CLSTN2: variants seen among roughly 807,000 people sequenced by gnomAD.
The protein encoded by CLSTN2 is calsyntenin-2.
Under a neutral mutation model 101.2 loss-of-function variants are expected in CLSTN2, and 48 were observed. The observed-to-expected ratio is 0.47, with a 90% CI of 0.38 to 0.60. The LOEUF (loss-of-function observed/expected upper bound fraction) is 0.60, where lower values mean the gene tolerates loss of function less well. CLSTN2 is among the 20% of genes least tolerant of loss of function. The pLI, the probability that CLSTN2 is intolerant of heterozygous loss-of-function variation, is 0.00. For missense variants in CLSTN2, 1,160 were observed against 1,238.2 expected, an observed-to-expected ratio of 0.94 and a Z score of 0.95; for synonymous variants, 481 against 463.6, an observed-to-expected ratio of 1.04 and a Z score of -0.48.
intron 2 of CLSTN2, among the ~76,000 whole-genome samples, chr3:140,243,292 G>A (rs2107869628): frequency 6.6e-6 from 1 of 152,242 alleles, no homozygotes; most frequent in South Asian, 2.1e-4. Flanking sequence ...ACTCTCCAAG[G>A]GCTAATTTGA....
At chr3:139,996,738 T>A (rs775612039) in intron 1 of CLSTN2, among the ~76,000 whole-genome samples, 5 of 152,176 alleles carry the variant, frequency 3.3e-5, no homozygotes, top group Non-Finnish European at 7.4e-5. Flanking sequence ...CTATAAGTGT[T>A]TAATTATCTG....
At chr3:140,270,852 C>T (rs1354452710) in intron 2 of CLSTN2, among the ~76,000 whole-genome samples, 1 of 152,174 alleles carries the variant, frequency 6.6e-6, no homozygotes, top group Non-Finnish European at 1.5e-5. Flanking sequence ...TAGTCCAGAG[C>T]AGTCTGTGGC....
At chr3:140,252,619 T>C (rs2086573681) in intron 2 of CLSTN2, among the ~76,000 whole-genome samples, 1 of 152,184 alleles carries the variant, frequency 6.6e-6, no homozygotes, top group East Asian at 1.9e-4. Flanking sequence ...ATTCTCTTAA[T>C]TATAAAATGT....
At chr3:140,448,783 T>C in intron 6 of CLSTN2, 79 bp downstream of exon 6, 1 of 1,263,428 alleles carries the variant, frequency 7.9e-7, no homozygotes, top group Non-Finnish European at 1.1e-6. Flanking sequence ...CTTATTGTCT[T>C]AGGCAAGAAT....
chr3:140,517,785 G>A (rs1934948342), intron 8 of CLSTN2, among the ~76,000 whole-genome samples: 1 of 152,180 alleles, frequency 6.6e-6, no homozygotes, highest in African/African-American at 2.4e-5. Flanking sequence ...TACTAATTTT[G>A]TGTTGGTTGA....
intron 9 of CLSTN2, among the ~76,000 whole-genome samples, 190 bp downstream of exon 9, chr3:140,532,676 T>C (rs566185441): frequency 2.0e-5 from 3 of 152,342 alleles, no homozygotes; most frequent in Admixed American, 2.0e-4. Flanking sequence ...AATAACAAGC[T>C]TAAGGCCAGA....
chr3:140,281,437 A>G (rs1344298613), intron 2 of CLSTN2, among the ~76,000 whole-genome samples: 2 of 152,164 alleles, frequency 1.3e-5, no homozygotes, highest in Non-Finnish European at 2.9e-5. Context: ...TACCTGGGAA[A>G]GTGTATCCAG....
chr3:140,188,486 C>T (rs1251327388), intron 2 of CLSTN2, among the ~76,000 whole-genome samples: 2 of 152,160 alleles, frequency 1.3e-5, no homozygotes, highest in African/African-American at 4.8e-5. Flanking sequence ...AATCCCAACT[C>T]CTCGTGGCCC....
chr3:140,378,124 T>C (rs1322452188), intron 2 of CLSTN2, among the ~76,000 whole-genome samples: 1 of 152,242 alleles, frequency 6.6e-6, no homozygotes, highest in Non-Finnish European at 1.5e-5. Context: ...CCTAGGTGTG[T>C]AGTAGTCTGT....
intron 1 of CLSTN2, among the ~76,000 whole-genome samples, chr3:140,036,754 GA>G (rs1240590204): frequency 6.0e-5 from 9 of 151,214 alleles, no homozygotes; most frequent in Non-Finnish European, 5.9e-5. Context: ...ACATCAGATA[GA>G]ATGCAAGGCA....
At chr3:140,501,057 G>A (rs1395969413) in intron 8 of CLSTN2, among the ~76,000 whole-genome samples, 1 of 152,118 alleles carries the variant, frequency 6.6e-6, no homozygotes, top group African/African-American at 2.4e-5. Flanking sequence ...GTTTAATGGA[G>A]CGAATCTTGC....
intron 1 of CLSTN2, among the ~76,000 whole-genome samples, chr3:140,134,881 G>A (rs1472060281): frequency 2.6e-5 from 4 of 151,654 alleles, no homozygotes; most frequent in Non-Finnish European, 4.4e-5. Flanking sequence ...CCTAAATGAT[G>A]GCTTGTGAAG....
intron 1 of CLSTN2, among the ~76,000 whole-genome samples, chr3:140,114,514 A>G (rs2009208561): frequency 6.6e-6 from 1 of 152,182 alleles, no homozygotes; most frequent in Non-Finnish European, 1.5e-5. Flanking sequence ...AAGCTTCTCA[A>G]TAAATTTATG....
At chr3:139,983,996 A>T (rs7625811) in intron 1 of CLSTN2, among the ~76,000 whole-genome samples, 44,203 of 152,080 alleles carry the variant, frequency 0.29, 7,708 homozygotes, top group East Asian at 0.52. Context: ...TCTTTCTTTC[A>T]TTCTTCATTC....
At chr3:140,251,782 G>C (rs1559819554) in intron 2 of CLSTN2, among the ~76,000 whole-genome samples, 1 of 152,114 alleles carries the variant, frequency 6.6e-6, no homozygotes, top group Non-Finnish European at 1.5e-5. Flanking sequence ...GTCAGTGAGG[G>C]GAACAAAGAA....
At chr3:140,270,940 C>T (rs975686479) in intron 2 of CLSTN2, among the ~76,000 whole-genome samples, 1 of 152,166 alleles carries the variant, frequency 6.6e-6, no homozygotes, top group Non-Finnish European at 1.5e-5. Context: ...CATTTGACCT[C>T]TCATTCTAGC....
chr3:140,499,957 C>T (rs1348289633), intron 8 of CLSTN2, among the ~76,000 whole-genome samples: 1 of 152,020 alleles, frequency 6.6e-6, no homozygotes, highest in Non-Finnish European at 1.5e-5. Context: ...GTCCCAGCTA[C>T]TCAGAAGGCT....
intron 5 of CLSTN2, among the ~76,000 whole-genome samples, chr3:140,442,364 T>G (rs1191005767): frequency 2.0e-5 from 3 of 152,100 alleles, no homozygotes; most frequent in Non-Finnish European, 4.4e-5. Flanking sequence ...AACTAGCGAA[T>G]CTTAAAATGC....
chr3:140,174,948 G>A (rs2010297655), intron 1 of CLSTN2, among the ~76,000 whole-genome samples: 1 of 152,150 alleles, frequency 6.6e-6, no homozygotes, highest in African/African-American at 2.4e-5. Flanking sequence ...TCCCTCTGAA[G>A]GCTCTAGGAA....
Sources: gnomAD v4.1 joint callset for allele counts (sites outside exome capture counted in the v4.1 genomes callset) on GRCh38, gnomAD v4.1.1 for gene constraint, MANE v1.5 for transcripts, NCBI Gene and HGNC (gene_info 2026-07-23, HGNC 2026-07-21) for gene names.